Variants in TFEB observed in about 807,000 individuals in gnomAD.
The protein encoded by TFEB is T-cell transcription factor EB.
Under a neutral mutation model 48.0 loss-of-function variants are expected in TFEB, and 12 were observed. The ratio of observed to expected loss-of-function variants is 0.25; its 90% CI spans 0.16 to 0.40. The LOEUF (loss-of-function observed/expected upper bound fraction) is 0.40. TFEB is among the 10% of genes least tolerant of loss of function. TFEB has a pLI of 1.00. For synonymous variants in TFEB, 244 were observed against 261.4 expected (o/e 0.93, Z 0.64); for missense variants, 509 against 640.3 (o/e 0.79, Z 2.21).
chr6:41,688,237 G>A, intron 4 of TFEB: 1 of 555,808 alleles, frequency 1.8e-6, no homozygotes, highest in East Asian at 2.8e-5. Context: ...AGGAGCCCCT[G>A]GCCTAGAGTG....
intron 1 of TFEB, among the ~76,000 whole-genome samples, chr6:41,725,167 C>T (rs1268531600): frequency 6.6e-6 from 1 of 152,206 alleles, no homozygotes; most frequent in Non-Finnish European, 1.5e-5. Context: ...TTTCCTGGCT[C>T]TTTTCCTAGA....
chr6:41,714,174 C>T (rs28454781), intron 1 of TFEB, among the ~76,000 whole-genome samples: 9 of 150,068 alleles, frequency 6.0e-5, no homozygotes, highest in Non-Finnish European at 1.0e-4. Context: ...TGCATGTGTG[C>T]GTGTGTGTGC....
chr6:41,711,489 C>T (rs1450772889), intron 1 of TFEB, among the ~76,000 whole-genome samples: 2 of 152,166 alleles, frequency 1.3e-5, no homozygotes, highest in African/African-American at 2.4e-5. Flanking sequence ...GACACAGTCT[C>T]GGTGTCCCCT....
chr6:41,703,592 G>A (rs1186183769), intron 1 of TFEB, among the ~76,000 whole-genome samples: 1 of 152,278 alleles, frequency 6.6e-6, no homozygotes, highest in African/African-American at 2.4e-5. Context: ...CTGTACAACT[G>A]AAGTAGCCAG....
intron 1 of TFEB, among the ~76,000 whole-genome samples, chr6:41,707,844 G>A (rs974421478): frequency 2.6e-5 from 4 of 152,228 alleles, no homozygotes; most frequent in East Asian, 1.9e-4. Flanking sequence ...CTCAGTTCCC[G>A]GCTGACTAAA....
At chr6:41,704,006 A>T (rs1412250999) in intron 1 of TFEB, among the ~76,000 whole-genome samples, 1 of 152,180 alleles carries the variant, frequency 6.6e-6, no homozygotes, top group Non-Finnish European at 1.5e-5. Flanking sequence ...CAGAGGAGGC[A>T]GGTAGGGGGT....
chr6:41,710,058 A>T (rs1770413299), intron 1 of TFEB, among the ~76,000 whole-genome samples: 1 of 152,164 alleles, frequency 6.6e-6, no homozygotes, highest in Non-Finnish European at 1.5e-5. Context: ...CAAAGTGCTG[A>T]TCTTTCCACT....
chr6:41,714,986 G>A (rs945723342), intron 1 of TFEB, among the ~76,000 whole-genome samples: 8 of 152,106 alleles, frequency 5.3e-5, no homozygotes, highest in Non-Finnish European at 1.0e-4. Flanking sequence ...AGACAAAGTC[G>A]GCCTGGACCC....
At chr6:41,708,060 C>G (rs1465296764) in intron 1 of TFEB, among the ~76,000 whole-genome samples, 1 of 152,228 alleles carries the variant, frequency 6.6e-6, no homozygotes, top group Non-Finnish European at 1.5e-5. Flanking sequence ...CATTGCTGGC[C>G]TTGCACAAGG....
chr6:41,696,343 C>T (rs77542887), intron 1 of TFEB, among the ~76,000 whole-genome samples: 6,527 of 152,180 alleles, frequency 0.043, 360 homozygotes, highest in African/African-American at 0.13. Flanking sequence ...AGAATGTTTG[C>T]GTGTATAGGA....
At chr6:41,729,571 C>G (rs1482850038) in intron 1 of TFEB, among the ~76,000 whole-genome samples, 2 of 152,240 alleles carry the variant, frequency 1.3e-5, no homozygotes, top group Admixed American at 6.5e-5. Flanking sequence ...ACAGCAGCTT[C>G]AGACCCTGAC....
chr6:41,733,870 A>AC, intron 1 of TFEB: 1 of 985,772 alleles, frequency 1.0e-6, no homozygotes, highest in Non-Finnish European at 1.2e-6. Context: ...CCAGAAGGAA[A>AC]CCAGAGACCA....
In TFEB at chr6:41,723,516, G is replaced by A; in HGVS notation, c.-23+11834C>T. On this transcript the variant is annotated intron_variant, in intron 1 of 8. Transcript: ENST00000373033. The surrounding 1 kb of genome is among the most constrained non-coding windows in gnomAD (Gnocchi z 6.0). Reference sequence around the variant, plus strand: ...CCCTGGAATGCTCAGCTCCTCCAGGGGCCGGAGCCCAGGGCCGCACCCCAG... The same window carrying A: ...CCCTGGAATGCTCAGCTCCTCCAGGAGCCGGAGCCCAGGGCCGCACCCCAG... 1.6e-6 allele frequency: 2 copies of A among 1,288,514 alleles called. No homozygotes were observed. The highest frequency in any genetic ancestry group is 1.2e-5 in the South Asian group (1 of 80,884). 79.8% of individuals were successfully genotyped at this position (1,288,514 alleles called of 1,614,324 possible). A position where few individuals can be genotyped will look rare whatever the true frequency, so the allele number is the denominator to read the frequency against.
In TFEB at chr6:41,691,050, G is replaced by T. The variant is rs989657892; in HGVS notation, c.164C>A (p.Thr55Asn). 1.3e-6 allele frequency: 2 copies of T among 1,573,774 alleles called. No homozygotes were observed. The highest frequency in any genetic ancestry group is 8.6e-7 in the Non-Finnish European group (1 of 1,158,666). ...TGGTGGCGACTGGAAGTGGACGGGG[G>T]TATTGATGGCCGGGGTGGGCGGCCC... ...LGGPPTPAIN[T>N]PVHFQSPPPV... is the part of the protein sequence containing the mutation. The change falls in exon 2 of 9, where the codon ACC (threonine) becomes AAC (asparagine). Residue 55 changes from threonine (T) to asparagine (N), a missense_variant. Around this residue, in one of 4 missense-constraint regions of TFEB, gnomAD observed 251 missense variants for 317.2 expected, o/e 0.79. Transcript: ENST00000373033. This position sits in a 1 kb window ranked among gnomAD's most constrained non-coding sequence, Gnocchi z 5.2.
chr6:41,687,531 G>A (rs1769073510), intron 6 of TFEB, among the ~76,000 whole-genome samples: 2 of 152,196 alleles, frequency 1.3e-5, no homozygotes, highest in Non-Finnish European at 2.9e-5. Flanking sequence ...ATCCCTTACA[G>A]GAATCCTTCC....
intron 1 of TFEB, chr6:41,733,759 C>G: frequency 2.0e-6 from 2 of 985,028 alleles, no homozygotes; most frequent in Middle Eastern, 1.0e-3. Context: ...CTGGCTGTCC[C>G]TCCCCGGACA....
At chr6:41,713,571 C>T (rs1482315586) in intron 1 of TFEB, among the ~76,000 whole-genome samples, 1 of 152,132 alleles carries the variant, frequency 6.6e-6, no homozygotes, top group Admixed American at 6.5e-5. Context: ...AGGGCAGCCA[C>T]CTACCCCCAG....
chr6:41,693,583 A>C (rs1214257674), intron 1 of TFEB, among the ~76,000 whole-genome samples: 1 of 152,054 alleles, frequency 6.6e-6, no homozygotes, highest in Admixed American at 6.6e-5. Context: ...ATGCCACCTG[A>C]CTGCCAGCCA....
chr6:41,708,761 G>T (rs13193343), intron 1 of TFEB, among the ~76,000 whole-genome samples: 1 of 152,164 alleles, frequency 6.6e-6, no homozygotes, highest in African/African-American at 2.4e-5. Context: ...AGAAATAGGG[G>T]CCAATAAAAG....
Sources: gnomAD v4.1 joint callset for allele counts (sites outside exome capture counted in the v4.1 genomes callset) on GRCh38, gnomAD v4.1.1 for gene constraint, gnomAD v4.1.1 regional missense constraint, Gnocchi (gnomAD v3.1) non-coding constraint, MANE v1.5 for transcripts, NCBI Gene and HGNC (gene_info 2026-07-23, HGNC 2026-07-21) for gene names.